DCTN5: variants seen among roughly 807,000 people sequenced by gnomAD.
DCTN5 encodes the protein dynactin 4.
A neutral mutation model predicts 23.5 loss-of-function variants in DCTN5; 14 were observed. That is an observed-to-expected ratio of 0.60 (90% CI 0.39 to 0.93). The LOEUF (loss-of-function observed/expected upper bound fraction) is 0.93, where lower values mean the gene tolerates loss of function less well. Among genes scored for constraint, DCTN5 ranks in the 40% least tolerant of loss-of-function variants. The pLI is 0.00. For synonymous variants in DCTN5, 67 were observed against 79.6 expected, an observed-to-expected ratio of 0.84 and a Z score of 0.84; for missense variants, 156 against 225.9, an observed-to-expected ratio of 0.69 and a Z score of 1.98.
chr16:23,650,657 A>C, intron 2 of DCTN5: 2 of 1,182,326 alleles, frequency 1.7e-6, no homozygotes, highest in Non-Finnish European at 2.4e-6. Context: ...GCTGTGTACA[A>C]TTCCACTTAT....
intron 5 of DCTN5, 156 bp downstream of exon 5, chr16:23,665,884 A>C: frequency 3.2e-6 from 2 of 628,624 alleles, no homozygotes; most frequent in South Asian, 4.0e-5. Flanking sequence ...ATGCTACCTA[A>C]CATATAACAA....
rs561701153 is a variant in DCTN5 at position 23,652,105 on chromosome 16, C to G, written c.118-6402C>G. On this transcript the variant is annotated intron_variant, in intron 2 of 5. Transcript: ENST00000300087. The stretch of plus-strand genomic sequence containing the variant: ...ATAATCAGCAGCAGATGTGGAAGTT[C>G]TTTTTTATGAGTACAAGTTTTGTAG... Among the ~76,000 whole-genome samples the G allele has an allele frequency of 2.6e-5, 4 of 152,204 alleles. No individual in the cohort carries two copies. In the South Asian group the frequency reaches 8.3e-4, roughly 32 times the overall value.
chr16:23,662,090 G>A (rs1296768198), intron 4 of DCTN5, among the ~76,000 whole-genome samples: 1 of 151,898 alleles, frequency 6.6e-6, no homozygotes, highest in Non-Finnish European at 1.5e-5. Context: ...GATTTGATAG[G>A]GCTAGAAAGC....
intron 2 of DCTN5, among the ~76,000 whole-genome samples, chr16:23,657,333 G>A: frequency 6.6e-6 from 1 of 152,178 alleles, no homozygotes; most frequent in East Asian, 1.9e-4. Context: ...GCACACACCT[G>A]TAGTCCCAGC....
At position 23,674,915 on chromosome 16, in the gene DCTN5, G is replaced by A. The variant is rs1353023346; in HGVS notation, c.*7771G>A. On this transcript the variant is annotated 3_prime_UTR_variant, in exon 6 of 6. Transcript: ENST00000300087. Reference sequence around the variant, plus strand: ...ATGGCTGCCTTCTTACTGTGTCCTTGTATGGTCCCTCTGTCTGGGTGTCTG... The same window carrying A: ...ATGGCTGCCTTCTTACTGTGTCCTTATATGGTCCCTCTGTCTGGGTGTCTG... 6.6e-6 allele frequency: 1 copy of A among 152,038 alleles called. No homozygotes were observed. Among genetic ancestry groups the A allele is most frequent in the Non-Finnish European group, 1.5e-5 (1 of 68,050 alleles). The allele number at this position is 152,038 out of a possible 1,614,324, so 9.4% of individuals were successfully genotyped here.
chr16:23,658,761 A>G (rs962575549), intron 3 of DCTN5, 136 bp downstream of exon 3: 44 of 701,916 alleles, frequency 6.3e-5, no homozygotes, highest in Non-Finnish European at 1.1e-4. Context: ...CATAATGAAC[A>G]CAACTCTGCT....
rs1967390985 is a variant in DCTN5, at chr16:23,644,860, A to G, written c.117+1837A>G. 1.3e-5 allele frequency among the ~76,000 whole-genome samples: 2 copies of G among 148,622 alleles called. 1 individual carries two copies. Among genetic ancestry groups the G allele is most frequent in the South Asian group, 4.3e-4 (2 of 4,680 alleles). The stretch of plus-strand genomic sequence containing the variant: ...GAAGCGGCGCCATCTCAGTCGCCAC[A>G]ACCTCCGCCTCTTGGCTTCAAGGAT... On this transcript the variant is annotated intron_variant, in intron 2 of 5. Transcript: ENST00000300087.
intron 2 of DCTN5, among the ~76,000 whole-genome samples, chr16:23,657,744 AAAAAAT>A (rs1476310013): frequency 6.6e-6 from 1 of 152,178 alleles, no homozygotes; most frequent in African/African-American, 2.4e-5. Context: ...ACCTGGCCAG[AAAAAAT>A]TTTTTAATGA....
chr16:23,644,039 ATAAT>A (rs1360284642), intron 2 of DCTN5, among the ~76,000 whole-genome samples: 1 of 152,140 alleles, frequency 6.6e-6, no homozygotes, highest in African/African-American at 2.4e-5. Flanking sequence ...TCAGTAGAAG[ATAAT>A]TAGTCTCCAT....
At position 23,661,192 on chromosome 16, in the gene DCTN5, A is replaced by G. The variant is rs763690625; in HGVS notation, c.259A>G (p.Ile87Val). The change falls in exon 4 of 6, where the codon ATT becomes GTT. Residue 87 changes from isoleucine (I) to valine (V), a missense_variant. By Grantham distance (29) the Ile-to-Val change is conservative (BLOSUM62 3). This residue lies in a region of DCTN5 where 153 missense variants were observed against 206.8 expected (regional missense o/e 0.74). Coordinates refer to ENST00000300087, the MANE Select transcript of DCTN5 (RefSeq NM_032486.4). ...SKGVAFFPLH[I>V]GDHVFIEEDC... ...TAGTGTTGCATTCTTTCCTTTACATATTGGAGACCATGTCTTTATTGAGGA... is the reference window on the plus strand; with the variant it reads ...TAGTGTTGCATTCTTTCCTTTACATGTTGGAGACCATGTCTTTATTGAGGA... 2.5e-6 allele frequency: 4 copies of G among 1,612,588 alleles called. No individual in the cohort carries two copies. The highest frequency in any genetic ancestry group is 1.7e-5 in the Admixed American group (1 of 59,808).
At chr16:23,661,451 G>A (rs569284041) in intron 4 of DCTN5, among the ~76,000 whole-genome samples, 170 bp downstream of exon 4, 3 of 152,308 alleles carry the variant, frequency 2.0e-5, no homozygotes, top group South Asian at 2.1e-4. Flanking sequence ...GGGTGCGGTG[G>A]CTCATGCCTG....
chr16:23,665,802 CT>C, intron 5 of DCTN5, 74 bp downstream of exon 5: 1 of 1,205,638 alleles, frequency 8.3e-7, no homozygotes. Flanking sequence ...AAAAGTAATG[CT>C]TACGATTCCT....
At position 23,668,099 on chromosome 16, in the gene DCTN5, G is replaced by T. The variant is rs779161483; in HGVS notation, c.*955G>T. 2 of 152,236 alleles carry T rather than the reference G, an allele frequency of 1.3e-5. No individual in the cohort carries two copies. Among genetic ancestry groups the T allele is most frequent in the Non-Finnish European group, 1.5e-5 (1 of 68,048 alleles). The allele number at this position is 152,236 out of a possible 1,614,324, so 9.4% of individuals were successfully genotyped here. A position where few individuals can be genotyped will look rare whatever the true frequency, so the allele number is the denominator to read the frequency against. On this transcript the variant is annotated 3_prime_UTR_variant, in exon 6 of 6. Coordinates refer to ENST00000300087, the MANE Select transcript of DCTN5 (RefSeq NM_032486.4). ...GCACAGAGCCTCAGGAGTAAATGAA[G>T]TTACTAGGGCTGTTCTTACCATCTC...
chr16:23,657,420 C>T, intron 2 of DCTN5: 1 of 392,580 alleles, frequency 2.5e-6, no homozygotes, highest in Non-Finnish European at 5.0e-6. Context: ...TGTGGCACTG[C>T]ACTGCAGCCT....
chr16:23,657,395 G>T (rs1304140988), intron 2 of DCTN5: 1 of 342,562 alleles, frequency 2.9e-6, no homozygotes, highest in African/African-American at 2.3e-5. Context: ...GCTCAAGGTT[G>T]CAGTGAGCTA....
chr16:23,667,515 A>G lies in DCTN5; in HGVS notation c.*371A>G, dbSNP rs765574994. 10 of 216,672 alleles carry G rather than the reference A, an allele frequency of 4.6e-5. No individual in the cohort carries two copies. The highest frequency in any genetic ancestry group is 4.2e-4 in the East Asian group (4 of 9,622). 13.4% of individuals were successfully genotyped at this position (216,672 alleles called of 1,614,324 possible). A position where few individuals can be genotyped will look rare whatever the true frequency, so the allele number is the denominator to read the frequency against. On this transcript the variant is annotated 3_prime_UTR_variant, in exon 6 of 6. Transcript: ENST00000300087. ...GCAGCACCCTTCCGGTGTGGAGGCTATGTAGCTGGTGCGCTGCTCACGGCC... is the reference window on the plus strand; with the variant it reads ...GCAGCACCCTTCCGGTGTGGAGGCTGTGTAGCTGGTGCGCTGCTCACGGCC...
intron 2 of DCTN5, among the ~76,000 whole-genome samples, chr16:23,645,133 A>ATTTT (rs1567228549): frequency 1.8e-4 from 4 of 22,416 alleles, no homozygotes; most frequent in Admixed American, 5.8e-4. Flanking sequence ...ATATATATAT[A>ATTTT]TATATTTTTT....
intron 5 of DCTN5, 172 bp downstream of exon 5, chr16:23,665,900 T>C: frequency 1.6e-6 from 1 of 607,074 alleles, no homozygotes; most frequent in Non-Finnish European, 2.9e-6. Flanking sequence ...AACAAGCATC[T>C]GTTTAAATGC....
intron 5 of DCTN5, chr16:23,666,762 A>G: frequency 2.1e-6 from 1 of 484,484 alleles, no homozygotes; most frequent in Non-Finnish European, 3.7e-6. Context: ...CAAAATCATC[A>G]CTCAGATTCT....
Sources: gnomAD v4.1 joint callset for allele counts (sites outside exome capture counted in the v4.1 genomes callset) on GRCh38, gnomAD v4.1.1 for gene constraint, gnomAD v4.1.1 regional missense constraint, MANE v1.5 for transcripts, NCBI Gene and HGNC (gene_info 2026-07-23, HGNC 2026-07-21) for gene names.